Variants in RNF141 observed in about 807,000 individuals in gnomAD.
RNF141 encodes the protein ring finger protein 141, also known as C3HC4-like zinc finger protein.
A neutral mutation model predicts 27.4 loss-of-function variants in RNF141; 18 were observed. The ratio of observed to expected loss-of-function variants is 0.66; its 90% CI spans 0.45 to 0.97. RNF141 has a LOEUF of 0.97. RNF141 is among the 50% of genes least tolerant of loss of function. The pLI, the probability that RNF141 is intolerant of heterozygous loss-of-function variation, is 0.00. For synonymous variants in RNF141, 97 were observed against 96.6 expected (o/e 1.00, Z -0.02); for missense variants, 230 against 279.4 (o/e 0.82, Z 1.26).
intron 5 of RNF141, among the ~76,000 whole-genome samples, chr11:10,518,075 G>A (rs72859152): frequency 0.012 from 1,867 of 152,232 alleles, 17 homozygotes; most frequent in Non-Finnish European, 0.018. Flanking sequence ...ATAGGAAGAT[G>A]CACTAGTAAG....
chr11:10,527,960 G>C (rs116856219), intron 3 of RNF141, among the ~76,000 whole-genome samples: 1 of 152,174 alleles, frequency 6.6e-6, no homozygotes, highest in Admixed American at 6.5e-5. Context: ...ATGACTCTAA[G>C]AAGTTGGTCT....
At chr11:10,539,597 T>C (rs1564870229) in intron 1 of RNF141, among the ~76,000 whole-genome samples, 1 of 142,888 alleles carries the variant, frequency 7.0e-6, no homozygotes. Context: ...GACAAGTTAA[T>C]ATAGATACAT....
intron 4 of RNF141, among the ~76,000 whole-genome samples, chr11:10,520,975 A>G (rs572249734): frequency 5.9e-5 from 9 of 152,358 alleles, no homozygotes; most frequent in African/African-American, 2.2e-4. Context: ...GCTGACATTG[A>G]TAATGGGCAT....
At position 10,515,076 on chromosome 11, in the gene RNF141, A is replaced by C. The variant is rs1474203833; in HGVS notation, c.543-10T>G. ...CCTGTGTCGATCACTCCTATTAGAG[A>C]AGTCAAAACAAAACAGTTTGCTTTC... On this transcript the variant is annotated splice_polypyrimidine_tract_variant and intron_variant, in intron 5 of 5. Coordinates refer to ENST00000265981, the MANE Select transcript of RNF141 (RefSeq NM_016422.4). The C allele has an allele frequency of 6.3e-7, 1 of 1,598,210 alleles. No individual in the cohort carries two copies. The highest frequency in any genetic ancestry group is 1.1e-5 in the South Asian group (1 of 87,894).
intron 1 of RNF141, among the ~76,000 whole-genome samples, chr11:10,534,904 GCTTGAAAA>G (rs1402270989): frequency 6.6e-6 from 1 of 151,756 alleles, no homozygotes; most frequent in African/African-American, 2.4e-5. Context: ...AAGACTTGTG[GCTTGAAAA>G]ACCTAAGAAA....
Position 10,513,666 on chromosome 11 carries a change from A to C in RNF141, c.*1250T>G, listed in dbSNP as rs1290577444. On this transcript the variant is annotated 3_prime_UTR_variant, in exon 6 of 6. Coordinates refer to ENST00000265981, the MANE Select transcript of RNF141 (RefSeq NM_016422.4). ...GTATTTTATGTATATACGGTAAAAA[A>C]GCCTCACTCTATTTTCTTGTGTTTT... 6.8e-6 allele frequency: 1 copy of C among 147,104 alleles called. No homozygotes were observed. The highest frequency in any genetic ancestry group is 2.5e-5 in the African/African-American group (1 of 39,244). The allele number at this position is 147,104 out of a possible 1,614,324, so 9.1% of individuals were successfully genotyped here.
rs1039264954 is a variant in RNF141, at chr11:10,512,300, T to G, written c.*2616A>C. Reference sequence around the variant, plus strand: ...TTATTACAGTAGAACTGACCTAACATTCACATCTAAATAATTATCACCCAG... The same window carrying G: ...TTATTACAGTAGAACTGACCTAACAGTCACATCTAAATAATTATCACCCAG... On this transcript the variant is annotated 3_prime_UTR_variant, in exon 6 of 6. Transcript: ENST00000265981. 7.9e-5 allele frequency: 12 copies of G among 152,686 alleles called. No homozygotes were observed. In the East Asian group the frequency reaches 2.1e-3, roughly 27 times the overall value. 9.5% of individuals were successfully genotyped at this position (152,686 alleles called of 1,614,324 possible).
intron 1 of RNF141, among the ~76,000 whole-genome samples, chr11:10,539,699 T>TATATATATATATATATA (rs56298076): frequency 6.8e-5 from 5 of 73,674 alleles, no homozygotes; most frequent in Non-Finnish European, 1.4e-4. Flanking sequence ...TACATATATA[T>TATATATATATATATATA]TAGAGAGAGA....
At chr11:10,527,647 G>A (rs1247520990) in intron 3 of RNF141, among the ~76,000 whole-genome samples, 6 of 19,038 alleles carry the variant, frequency 3.2e-4, no homozygotes, top group South Asian at 2.8e-3. Context: ...AGAAGTCACG[G>A]GGGGGGGTTT....
chr11:10,533,938 T>G (rs1850011206), intron 2 of RNF141, 78 bp downstream of exon 2: 2 of 1,329,754 alleles, frequency 1.5e-6, no homozygotes, highest in Non-Finnish European at 2.1e-6. Flanking sequence ...CACCTCTGGT[T>G]ATATCTTACA....
chr11:10,534,574 T>C (rs1850017514), intron 1 of RNF141, among the ~76,000 whole-genome samples: 1 of 152,160 alleles, frequency 6.6e-6, no homozygotes, highest in Non-Finnish European at 1.5e-5. Context: ...ATTTCCTGAC[T>C]GCTTACCACA....
At chr11:10,521,822 T>C (rs1391249578) in intron 4 of RNF141, among the ~76,000 whole-genome samples, 2 of 152,244 alleles carry the variant, frequency 1.3e-5, no homozygotes, top group South Asian at 2.1e-4. Context: ...GCTGGCATGA[T>C]ACTTGGGTAT....
chr11:10,530,797 T>A, intron 2 of RNF141, 46 bp from the exon 3 acceptor site: 2 of 1,122,114 alleles, frequency 1.8e-6, no homozygotes, highest in Non-Finnish European at 2.6e-6. Context: ...AATCATATAT[T>A]AATAAAATAA....
At chr11:10,538,223 A>T (rs1178586150) in intron 1 of RNF141, among the ~76,000 whole-genome samples, 1 of 152,220 alleles carries the variant, frequency 6.6e-6, no homozygotes, top group Non-Finnish European at 1.5e-5. Flanking sequence ...AAACTTCATC[A>T]CTAACTCCTT....
chr11:10,522,059 T>C (rs1849892007), intron 4 of RNF141, among the ~76,000 whole-genome samples: 1 of 152,202 alleles, frequency 6.6e-6, no homozygotes, highest in Admixed American at 6.5e-5. Context: ...CAGCAATTCA[T>C]CTGAGAGATA....
chr11:10,521,056 T>G (rs1333209581), intron 4 of RNF141, among the ~76,000 whole-genome samples: 1 of 152,220 alleles, frequency 6.6e-6, no homozygotes, highest in African/African-American at 2.4e-5. Context: ...AAAAGCAGTT[T>G]CTGTCCTCCA....
intron 4 of RNF141, among the ~76,000 whole-genome samples, chr11:10,523,362 CACTT>C (rs778732576): frequency 6.6e-6 from 1 of 152,232 alleles, no homozygotes; most frequent in Non-Finnish European, 1.5e-5. Context: ...CTAATCATGA[CACTT>C]ACTTAGCTAA....
intron 4 of RNF141, 108 bp downstream of exon 4, chr11:10,525,081 GAAA>G (rs55738534): frequency 3.8e-6 from 2 of 522,178 alleles, no homozygotes; most frequent in Non-Finnish European, 6.0e-6. Context: ...TACCAACTGA[GAAA>G]AAAAAAAGAT....
Position 10,525,297 on chromosome 11 carries a change from A to G in RNF141, c.329T>C (p.Ile110Thr), listed in dbSNP as rs1416165565. ...CAATACTCCTGCTGCTTGACTTGTG[A>G]TATCTTTATAAAGTTGAATAAACTG... ...LYQFIQLYKD[I>T]TSQAAGVLAQ... Residue 110 changes from isoleucine to threonine, a missense_variant, in exon 4 of 6, where the codon ATC becomes ACC. Physicochemically the swap from Ile to Thr is moderately conservative, Grantham distance 89 (BLOSUM62 -1). Transcript: ENST00000265981. The G allele has an allele frequency of 6.2e-7, 1 of 1,613,410 alleles. No individual in the cohort carries two copies. Among genetic ancestry groups the G allele is most frequent in the South Asian group, 1.1e-5 (1 of 90,944 alleles).
Sources: gnomAD v4.1 joint callset for allele counts (sites outside exome capture counted in the v4.1 genomes callset) on GRCh38, gnomAD v4.1.1 for gene constraint, MANE v1.5 for transcripts, NCBI Gene and HGNC (gene_info 2026-07-23, HGNC 2026-07-21) for gene names.